The following ZNF385D variants were observed in gnomAD, a reference collection of about 807,000 sequenced individuals.
The protein encoded by ZNF385D is zinc finger protein 659.
In ZNF385D, 15 loss-of-function variants were observed where a neutral mutation model predicts 35.8. The ratio of observed to expected loss-of-function variants is 0.42; its 90% CI spans 0.28 to 0.64. The LOEUF (loss-of-function observed/expected upper bound fraction) is 0.64, where lower values mean the gene tolerates loss of function less well. Ranked by LOEUF, ZNF385D falls within the 30% of genes least tolerant of loss-of-function variation. The pLI, the probability that ZNF385D is intolerant of heterozygous loss-of-function variation, is 0.23. For missense variants in ZNF385D, 474 were observed against 494.6 expected (o/e 0.96, Z 0.39); for synonymous variants, 212 against 186.8 (o/e 1.13, Z -1.10).
intron 1 of ZNF385D, among the ~76,000 whole-genome samples, chr3:21,684,392 C>T (rs1413379572): frequency 2.2e-5 from 2 of 89,490 alleles, no homozygotes; most frequent in Non-Finnish European, 4.2e-5. Context: ...CTCTCTCTCT[C>T]TCTCTCTCTC....
intron 3 of ZNF385D, among the ~76,000 whole-genome samples, chr3:21,786,774 G>A (rs961066085): frequency 9.9e-5 from 15 of 152,152 alleles, no homozygotes; most frequent in Non-Finnish European, 2.2e-4. Context: ...ATATGCTAAT[G>A]AATGAAATCA....
chr3:22,174,715 T>C (rs17010959), intron 2 of ZNF385D, among the ~76,000 whole-genome samples: 26 of 152,046 alleles, frequency 1.7e-4, no homozygotes, highest in Admixed American at 7.2e-4. Context: ...AAATCTAATC[T>C]AGAGATACTT....
At chr3:21,978,250 T>A (rs1703761396) in intron 3 of ZNF385D, 6 of 152,210 alleles carry the variant, frequency 3.9e-5, no homozygotes, top group Admixed American at 2.6e-4. Context: ...GTTTCTTACT[T>A]TGTTGCAAAT....
chr3:21,876,673 A>T lies in ZNF385D; in HGVS notation c.326-211645T>A, dbSNP rs151119587. Among the ~76,000 whole-genome samples, 501 of 151,826 alleles carry T rather than the reference A, an allele frequency of 3.3e-3. 4 individuals are homozygous for T. The highest frequency in any genetic ancestry group is 0.012 in the African/African-American group (479 of 41,500). On this transcript the variant is annotated intron_variant, in intron 3 of 5. Coordinates refer to the ZNF385D transcript ENST00000494108. ...ATGGATAGAAAATAGTACAGGGGTTAGAACAAGTTTTCTTATATTTTTGAT... is the reference window on the plus strand; with the variant it reads ...ATGGATAGAAAATAGTACAGGGGTTTGAACAAGTTTTCTTATATTTTTGAT...
At chr3:22,280,391 G>A (rs1428765840) in intron 2 of ZNF385D, among the ~76,000 whole-genome samples, 1 of 148,442 alleles carries the variant, frequency 6.7e-6, no homozygotes, top group East Asian at 2.0e-4. Flanking sequence ...ACTGTTATCT[G>A]ATAGAATTCT....
chr3:21,588,032 C>G (rs976156150), intron 2 of ZNF385D, among the ~76,000 whole-genome samples: 1 of 152,114 alleles, frequency 6.6e-6, no homozygotes, highest in African/African-American at 2.4e-5. Flanking sequence ...TAGTCCATGG[C>G]AGGCACTGTG....
intron 1 of ZNF385D, among the ~76,000 whole-genome samples, chr3:21,709,757 TTAGA>T (rs1335879357): frequency 6.6e-6 from 1 of 152,200 alleles, no homozygotes; most frequent in Non-Finnish European, 1.5e-5. Flanking sequence ...TTGTATAAAG[TTAGA>T]TATACACTTA....
Position 21,624,638 on chromosome 3 carries a change from C to A in ZNF385D, c.165+40248G>T, listed in dbSNP as rs115949813. On this transcript the variant is annotated intron_variant, in intron 2 of 7. Coordinates refer to ENST00000281523, the MANE Select transcript of ZNF385D (RefSeq NM_024697.3). ...TTCCAGAGAAACTTTGAGTGCCTAC[C>A]TAGAACTTAGGAAGGAAACCATTAC... 7.6e-3 allele frequency among the ~76,000 whole-genome samples: 1,154 copies of A among 152,054 alleles called. 12 individuals carry two copies. The highest frequency in any genetic ancestry group is 0.025 in the African/African-American group (1,019 of 41,508).
chr3:21,847,682 T>G (rs912769037), intron 3 of ZNF385D, among the ~76,000 whole-genome samples: 1 of 152,036 alleles, frequency 6.6e-6, no homozygotes, highest in African/African-American at 2.4e-5. Flanking sequence ...GTGCATACTT[T>G]TATGAGTTTT....
intron 2 of ZNF385D, among the ~76,000 whole-genome samples, chr3:21,572,275 C>G (rs1477368372): frequency 6.6e-6 from 1 of 152,098 alleles, no homozygotes; most frequent in African/African-American, 2.4e-5. Context: ...ACTTGTACAT[C>G]CTTGTACTTT....
chr3:22,172,010 A>T (rs936015631), intron 2 of ZNF385D, among the ~76,000 whole-genome samples: 1 of 152,200 alleles, frequency 6.6e-6, no homozygotes, highest in Non-Finnish European at 1.5e-5. Context: ...CGACATGCTT[A>T]AATTTTTAAA....
intron 2 of ZNF385D, among the ~76,000 whole-genome samples, chr3:22,312,844 C>G (rs553281839): frequency 7.1e-6 from 1 of 140,748 alleles, no homozygotes; most frequent in Non-Finnish European, 1.5e-5. Context: ...GTCAGTGTGG[C>G]GATTCCTCAG....
At chr3:22,006,141 A>G (rs1559841877) in intron 3 of ZNF385D, among the ~76,000 whole-genome samples, 3 of 152,116 alleles carry the variant, frequency 2.0e-5, no homozygotes, top group East Asian at 3.9e-4. Context: ...CAACCTTTAG[A>G]TAAGTTTTTA....
intron 3 of ZNF385D, among the ~76,000 whole-genome samples, chr3:21,519,801 C>T (rs906962349): frequency 1.3e-5 from 2 of 152,162 alleles, no homozygotes; most frequent in Admixed American, 6.5e-5. Flanking sequence ...TGTACAAAAT[C>T]CCTTCAGAAT....
At chr3:22,355,077 T>C (rs1352577278) in intron 2 of ZNF385D, among the ~76,000 whole-genome samples, 2 of 152,098 alleles carry the variant, frequency 1.3e-5, no homozygotes, top group East Asian at 3.9e-4. Flanking sequence ...TATTTACTTA[T>C]GATATAGTAA....
chr3:21,738,958 C>T (rs1160754611), intron 1 of ZNF385D, among the ~76,000 whole-genome samples: 1 of 152,164 alleles, frequency 6.6e-6, no homozygotes, highest in African/African-American at 2.4e-5. Context: ...GTGGAATAAT[C>T]GACTGCTTGT....
chr3:21,935,196 T>C (rs910814802), intron 3 of ZNF385D, among the ~76,000 whole-genome samples: 1 of 152,180 alleles, frequency 6.6e-6, no homozygotes, highest in Non-Finnish European at 1.5e-5. Flanking sequence ...TTATCAAAAG[T>C]ATATGCCATT....
chr3:22,206,739 A>G (rs1385805086), intron 2 of ZNF385D, among the ~76,000 whole-genome samples: 3 of 151,972 alleles, frequency 2.0e-5, no homozygotes, highest in African/African-American at 7.2e-5. Flanking sequence ...TGATAATAAG[A>G]ACACAATATA....
intron 3 of ZNF385D, among the ~76,000 whole-genome samples, chr3:22,109,685 G>A (rs1034936212): frequency 6.6e-6 from 1 of 151,994 alleles, no homozygotes; most frequent in Non-Finnish European, 1.5e-5. Context: ...TCCTGTATTG[G>A]GGGCATATAT....
Sources: gnomAD v4.1 joint callset for allele counts (sites outside exome capture counted in the v4.1 genomes callset) on GRCh38, gnomAD v4.1.1 for gene constraint, MANE v1.5 for transcripts, NCBI Gene and HGNC (gene_info 2026-07-23, HGNC 2026-07-21) for gene names.